Variants in ZBED6 observed in about 807,000 individuals in gnomAD.
ZBED6 encodes the protein zinc finger BED-type containing 6.
Under a neutral mutation model 58.4 loss-of-function variants are expected in ZBED6, and 40 were observed. The observed-to-expected ratio is 0.68, with a 90% confidence interval of 0.53 to 0.89. The LOEUF (loss-of-function observed/expected upper bound fraction) is 0.89. ZBED6 is among the 40% of genes least tolerant of loss of function. ZBED6 has a pLI of 0.00. For missense variants in ZBED6, 1,057 were observed against 1,003.9 expected (o/e 1.05, Z -0.71); for synonymous variants, 439 against 350.6 (o/e 1.25, Z -2.82).
intron 9 of ZBED6, among the ~76,000 whole-genome samples, chr1:203,834,923 C>T (rs1484049485): frequency 6.6e-6 from 1 of 152,226 alleles, no homozygotes; most frequent in Non-Finnish European, 1.5e-5. Flanking sequence ...GGATTATAGG[C>T]ATGAGCCACT....
Position 203,824,831 on chromosome 1 carries a change from G to A in ZBED6, c.*2874-3468G>A, listed in dbSNP as rs543397102. Among the ~76,000 whole-genome samples the A allele has an allele frequency of 4.6e-5, 7 of 152,248 alleles. No individual in the cohort carries two copies. The South Asian group carries it at 1.5e-3, about 32-fold the overall frequency. Reference sequence around the variant, plus strand: ...ACGGTGGCTCACGCCTGTAATCCCAGCACTTTGGGAGGCTGAGGCAGGCAG... The same window carrying A: ...ACGGTGGCTCACGCCTGTAATCCCAACACTTTGGGAGGCTGAGGCAGGCAG... On this transcript the variant is annotated intron_variant, in intron 3 of 16. Coordinates refer to ENST00000550078, the Ensembl canonical transcript of ZBED6.
intron 3 of ZBED6, among the ~76,000 whole-genome samples, chr1:203,819,566 C>CTTTT (rs1677763711): frequency 4.3e-5 from 4 of 91,988 alleles, no homozygotes; most frequent in Non-Finnish European, 6.3e-5. Context: ...CAGAGTTTTG[C>CTTTT]TCTTGTTGCC....
At chr1:203,817,209 T>A in intron 2 of ZBED6, 85 bp downstream of exon 2, 1 of 1,160,536 alleles carries the variant, frequency 8.6e-7, no homozygotes, top group Non-Finnish European at 1.2e-6. Context: ...TTAAGTTGTT[T>A]TTATTATATA....
chr1:203,829,409 G>A, intron 4 of ZBED6, 42 bp from the exon 5 acceptor site: 2 of 1,608,264 alleles, frequency 1.2e-6, no homozygotes, highest in African/African-American at 1.3e-5. Flanking sequence ...AGTTGGGGTT[G>A]TATCTTCTGT....
At chr1:203,829,957 T>G (rs1380344923) in intron 6 of ZBED6, 61 bp downstream of exon 6, 1 of 1,480,560 alleles carries the variant, frequency 6.8e-7, no homozygotes, top group Non-Finnish European at 9.4e-7. Flanking sequence ...TGAAATTTAG[T>G]TCACAATCAT....
chr1:203,830,028 A>G, intron 6 of ZBED6, 95 bp from the exon 7 acceptor site: 1 of 1,322,400 alleles, frequency 7.6e-7, no homozygotes, highest in African/African-American at 1.5e-5. Context: ...GTTTCTGTTG[A>G]TCATTTATTC....
rs746555049 is a variant in ZBED6, at chr1:203,838,087, T to C, written c.*3672+23T>C. The C allele has an allele frequency of 2.5e-6, 4 of 1,600,342 alleles. No homozygotes were observed. The East Asian group carries it at 8.9e-5, about 36-fold the overall frequency. ...AAGGTACCTGTGTTCTTACATACTTTGTGTGTGTATGTAATTATGACACTT... is the reference window on the plus strand; with the variant it reads ...AAGGTACCTGTGTTCTTACATACTTCGTGTGTGTATGTAATTATGACACTT... On this transcript the variant is annotated intron_variant, in intron 10 of 16. Coordinates refer to ENST00000550078, the Ensembl canonical transcript of ZBED6.
At chr1:203,829,809 A>C in exon 6 of ZBED6, 1 of 1,614,092 alleles carries the variant, frequency 6.2e-7, no homozygotes, top group Non-Finnish European at 8.5e-7. Flanking sequence ...TGATGAAACC[A>C]AAACACCTAC....
exon 14 of ZBED6, chr1:203,849,996 G>A (rs1688873162): frequency 6.2e-7 from 1 of 1,613,842 alleles, no homozygotes; most frequent in Non-Finnish European, 8.5e-7. Context: ...TGTGAAATGT[G>A]CAGCACAGAC....
At chr1:203,831,378 A>G (rs959228709) in intron 7 of ZBED6, among the ~76,000 whole-genome samples, 2 of 152,132 alleles carry the variant, frequency 1.3e-5, no homozygotes, top group Admixed American at 6.6e-5. Context: ...TTTTAGAATA[A>G]TACTAGCTTT....
rs1021550657 is a variant in ZBED6 at position 203,820,638 on chromosome 1, C to T, written c.*2873+1949C>T. Among the ~76,000 whole-genome samples, 4 of 151,900 alleles carry T rather than the reference C, an allele frequency of 2.6e-5. 1 individual carries two copies. The highest frequency in any genetic ancestry group is 4.1e-4 in the South Asian group (2 of 4,820). ...GACAACGGGCATGCCTCACCACACC[C>T]GTCTAATTTTTTGTGTTTTTTAGTA... On this transcript the variant is annotated intron_variant, in intron 3 of 16. Coordinates refer to ENST00000550078, the Ensembl canonical transcript of ZBED6.
At chr1:203,800,129 G>A (rs1464118572) in exon 1 of ZBED6, 70 of 1,535,712 alleles carry the variant, frequency 4.6e-5, no homozygotes, top group Non-Finnish European at 6.1e-5. Context: ...TTGTGGATGA[G>A]TACTTCAAAG....
At chr1:203,835,900 G>GCCTT in intron 9 of ZBED6, 1 of 233,938 alleles carries the variant, frequency 4.3e-6, no homozygotes, top group Non-Finnish European at 9.3e-6. Context: ...TTGGACCACA[G>GCCTT]CCTTCCAGAC....
chr1:203,798,038 T>G, exon 1 of ZBED6: 1 of 1,535,184 alleles, frequency 6.5e-7, no homozygotes, highest in Non-Finnish European at 8.7e-7. Context: ...CATCTACTCT[T>G]CAACGACATC....
chr1:203,806,829 C>CTTTT (rs1404080317), intron 1 of ZBED6, among the ~76,000 whole-genome samples: 1 of 31,920 alleles, frequency 3.1e-5, no homozygotes, highest in African/African-American at 1.0e-4. Context: ...ACCTCAGGTT[C>CTTTT]CTTTTTTTTT....
intron 2 of ZBED6, among the ~76,000 whole-genome samples, chr1:203,817,360 G>A (rs1399947827): frequency 6.7e-6 from 1 of 149,654 alleles, no homozygotes; most frequent in East Asian, 1.9e-4. Context: ...CACGTGGCAT[G>A]TAGTCATCAT....
chr1:203,815,210 T>C (rs1675864553), intron 1 of ZBED6, among the ~76,000 whole-genome samples: 1 of 63,152 alleles, frequency 1.6e-5, no homozygotes, highest in African/African-American at 5.7e-5. Flanking sequence ...TTCTTCCTTT[T>C]CTTTTCTTTT....
At position 203,850,696 on chromosome 1, in the gene ZBED6, C is replaced by G; in HGVS notation, c.*4805+15C>G. 1 of 1,611,062 alleles carries G rather than the reference C, an allele frequency of 6.2e-7. No individual in the cohort carries two copies. The highest frequency in any genetic ancestry group is 1.7e-4 in the Middle Eastern group (1 of 6,060). On this transcript the variant is annotated intron_variant, in intron 15 of 16. Coordinates refer to ENST00000550078, the Ensembl canonical transcript of ZBED6. Reference sequence around the variant, plus strand: ...AGGCAGCTGTGGTAAGAAGTATATTCACTTTGTGGTGCTTTATTCTGTGTG... The same window carrying G: ...AGGCAGCTGTGGTAAGAAGTATATTGACTTTGTGGTGCTTTATTCTGTGTG...
intron 9 of ZBED6, among the ~76,000 whole-genome samples, chr1:203,834,453 A>G (rs1182452883): frequency 6.6e-6 from 1 of 151,646 alleles, no homozygotes; most frequent in Non-Finnish European, 1.5e-5. Context: ...TGTATTTTTT[A>G]TAGTGATAGG....
Sources: gnomAD v4.1 joint callset for allele counts (sites outside exome capture counted in the v4.1 genomes callset) on GRCh38, gnomAD v4.1.1 for gene constraint, MANE v1.5 for transcripts, NCBI Gene and HGNC (gene_info 2026-07-23, HGNC 2026-07-21) for gene names.